AAGAB: variants seen among roughly 807,000 people sequenced by gnomAD.
AAGAB encodes the protein alpha and gamma adaptin binding protein, also known as alpha- and gamma-adaptin-binding protein p34.
AAGAB carries 38 observed loss-of-function variants against 44.1 expected under a neutral mutation model. That is an observed-to-expected ratio of 0.86 (90% CI 0.67 to 1.13). The LOEUF (loss-of-function observed/expected upper bound fraction) is 1.13, where lower values mean the gene tolerates loss of function less well. Among genes scored for constraint, AAGAB ranks in the 50% most tolerant of loss-of-function variants. The pLI is 0.00. For synonymous variants in AAGAB, 131 were observed against 131.8 expected, an observed-to-expected ratio of 0.99 and a Z score of 0.04; for missense variants, 450 against 373.8, an observed-to-expected ratio of 1.20 and a Z score of -1.68.
intron 5 of AAGAB, chr15:67,226,556 A>C (rs1422860571): frequency 1.3e-5 from 2 of 152,204 alleles, no homozygotes; most frequent in African/African-American, 4.8e-5. Flanking sequence ...TATTCTAGAT[A>C]TATTCTGCTG....
intron 5 of AAGAB, among the ~76,000 whole-genome samples, chr15:67,216,525 C>G (rs1294628904): frequency 4.0e-5 from 6 of 148,502 alleles, no homozygotes; most frequent in African/African-American, 1.5e-4. Flanking sequence ...TTTTGTCTTC[C>G]TAGTTGTTGT....
rs991924722 is a variant in AAGAB at position 67,232,483 on chromosome 15, T to C, written c.452-586A>G. The C allele has an allele frequency of 1.6e-5, 5 of 312,272 alleles. No homozygotes were observed. The East Asian group carries it at 4.2e-4, about 26-fold the overall frequency. The allele number at this position is 312,272 out of a possible 1,614,324, so 19.3% of individuals were successfully genotyped here. A position where few individuals can be genotyped will look rare whatever the true frequency, so the allele number is the denominator to read the frequency against. On this transcript the variant is annotated intron_variant, in intron 4 of 9. Coordinates refer to ENST00000261880, the MANE Select transcript of AAGAB (RefSeq NM_024666.5). ...GTAACTATCCAAACTGGAAAGTTCA[T>C]GACCAACCAACTACTTCAGTGAAAA...
At chr15:67,246,935 C>A (rs1964740608) in intron 1 of AAGAB, among the ~76,000 whole-genome samples, 1 of 152,218 alleles carries the variant, frequency 6.6e-6, no homozygotes, top group African/African-American at 2.4e-5. Flanking sequence ...TTCGGGTCCC[C>A]TTCCACGCTG....
At chr15:67,218,232 C>T (rs139218806) in intron 5 of AAGAB, among the ~76,000 whole-genome samples, 2 of 152,188 alleles carry the variant, frequency 1.3e-5, no homozygotes, top group Admixed American at 1.3e-4. Context: ...ATTTCTCTTC[C>T]TTGCTCTCTC....
intron 5 of AAGAB, among the ~76,000 whole-genome samples, chr15:67,211,283 A>G (rs1238880768): frequency 6.6e-6 from 1 of 152,194 alleles, no homozygotes; most frequent in Non-Finnish European, 1.5e-5. Context: ...CATTCTGTAC[A>G]ACCTCAACAG....
In AAGAB at chr15:67,245,014, T is replaced by C. The variant is rs182809136; in HGVS notation, c.74-8194A>G. On this transcript the variant is annotated intron_variant, in intron 1 of 9. Transcript: ENST00000261880. ...AAAATACTGACAATAACAAGTATTG[T>C]TATTGTCCAAAGATACGGAGAAATT... Among the ~76,000 whole-genome samples the C allele has an allele frequency of 4.2e-3, 636 of 152,262 alleles. 5 individuals carry two copies. The highest frequency in any genetic ancestry group is 0.031 in the Middle Eastern group (9 of 294).
At chr15:67,207,154 A>G (rs997189685) in intron 7 of AAGAB, among the ~76,000 whole-genome samples, 1 of 152,186 alleles carries the variant, frequency 6.6e-6, no homozygotes, top group Non-Finnish European at 1.5e-5. Context: ...GTGCCACTGC[A>G]CTCCACCCTG....
In AAGAB at chr15:67,246,772, C is replaced by T. The variant is rs373343934; in HGVS notation, c.73+7787G>A. On this transcript the variant is annotated intron_variant, in intron 1 of 9. Transcript: ENST00000261880. ...AGGATTGTAAATGCACCAATCAGCA[C>T]TCTGCAAAAACGCACCAATCAGCAC... Among the ~76,000 whole-genome samples the T allele has an allele frequency of 4.0e-5, 6 of 151,830 alleles. No homozygotes were observed. In the East Asian group the frequency reaches 9.8e-4, roughly 25 times the overall value.
chr15:67,203,001 C>T, intron 9 of AAGAB, 103 bp from the exon 10 acceptor site: 2 of 1,022,502 alleles, frequency 2.0e-6, no homozygotes, highest in Non-Finnish European at 3.1e-6. Context: ...CTGCACTTTG[C>T]CCTCCAGTCC....
At chr15:67,222,242 G>GCGCGCGCGCGCACA (rs1367738219) in intron 5 of AAGAB, among the ~76,000 whole-genome samples, 14 of 90,042 alleles carry the variant, frequency 1.6e-4, no homozygotes, top group African/African-American at 5.3e-4. Context: ...GCGCGCGCGC[G>GCGCGCGCGCGCACA]CACACACACA....
Position 67,236,671 on chromosome 15 carries a change from C to T in AAGAB, c.223G>A (p.Glu75Lys). 1.2e-6 allele frequency: 2 copies of T among 1,614,074 alleles called. No homozygotes were observed. Among genetic ancestry groups the T allele is most frequent in the African/African-American group, 2.7e-5 (2 of 75,056 alleles). ...TAAACCACAAATGCTTGGACAGATTCTGCAATCTCTGCAGTAACAAGAAAT... is the reference window on the plus strand; with the variant it reads ...TAAACCACAAATGCTTGGACAGATTTTGCAATCTCTGCAGTAACAAGAAAT... ...NKFLVTAEIA[E>K]SVQAFVVYFD... The change falls in exon 2 of 10, where the codon GAA (glutamate) becomes AAA (lysine). Residue 75 changes from glutamate (E) to lysine (K), a missense_variant. By Grantham distance (56) the Glu-to-Lys change is moderately conservative. Coordinates refer to ENST00000261880, the MANE Select transcript of AAGAB (RefSeq NM_024666.5).
chr15:67,222,238 G>GCACACACACACA (rs1280858919), intron 5 of AAGAB, among the ~76,000 whole-genome samples: 1 of 45,836 alleles, frequency 2.2e-5, no homozygotes, highest in African/African-American at 8.9e-5. Flanking sequence ...GCACGCGCGC[G>GCACACACACACA]CGCGCACACA....
At chr15:67,237,456 G>A (rs1323726137) in intron 1 of AAGAB, among the ~76,000 whole-genome samples, 2 of 152,170 alleles carry the variant, frequency 1.3e-5, no homozygotes, top group Non-Finnish European at 2.9e-5. Flanking sequence ...ATGTGTAATA[G>A]CCAAGCAAAT....
chr15:67,212,967 T>C (rs1963858799), intron 5 of AAGAB, among the ~76,000 whole-genome samples: 1 of 152,204 alleles, frequency 6.6e-6, no homozygotes, highest in African/African-American at 2.4e-5. Context: ...CTTTAGCAGG[T>C]AGTTGCTGAA....
chr15:67,227,134 A>G (rs1425793680), intron 5 of AAGAB, among the ~76,000 whole-genome samples: 2 of 152,224 alleles, frequency 1.3e-5, no homozygotes, highest in Non-Finnish European at 2.9e-5. Context: ...GGCATGACAT[A>G]ACGTAAATGT....
upstream of AAGAB, chr15:67,254,958 G>T: frequency 1.2e-6 from 2 of 1,611,776 alleles, no homozygotes; most frequent in Non-Finnish European, 1.7e-6. Flanking sequence ...GTGGGAAACG[G>T]GCTTCCCCCG....
intron 9 of AAGAB, 61 bp downstream of exon 9, chr15:67,203,487 T>C: frequency 7.2e-7 from 1 of 1,386,932 alleles, no homozygotes; most frequent in Non-Finnish European, 1.0e-6. Context: ...TGATATATAA[T>C]TATAATAATA....
At chr15:67,204,331 A>T (rs1963638460) in intron 7 of AAGAB, among the ~76,000 whole-genome samples, 183 bp from the exon 8 acceptor site, 1 of 152,170 alleles carries the variant, frequency 6.6e-6, no homozygotes, top group South Asian at 2.1e-4. Flanking sequence ...ATGAAGAGTA[A>T]CTATTTTATC....
chr15:67,209,849 TAG>T lies in AAGAB; in HGVS notation c.536-307_536-306del, dbSNP rs550846458. ...TTTTAAAATTATTTCTTGTTTTTTG[TAG>T]AGACAGGGTCTCACTATGTTGCCCA... On this transcript the variant is annotated intron_variant, in intron 5 of 9. Transcript: ENST00000261880. 6.7e-3 allele frequency among the ~76,000 whole-genome samples: 1,013 copies of T among 152,266 alleles called. 10 individuals are homozygous for T. Among genetic ancestry groups the T allele is most frequent in the Non-Finnish European group, 6.9e-3 (469 of 68,026 alleles).
Sources: allele counts gnomAD v4.1 joint callset (sites outside exome capture counted in the v4.1 genomes callset), GRCh38; gene constraint gnomAD v4.1.1; transcripts MANE v1.5; gene names NCBI Gene and HGNC (gene_info 2026-07-23, HGNC 2026-07-21).